GAS7: variants seen among roughly 807,000 people sequenced by gnomAD.
GAS7 encodes growth arrest-specific protein 7.
Under a neutral mutation model 71.1 loss-of-function variants are expected in GAS7, and 28 were observed. The observed-to-expected ratio is 0.39, with a 90% confidence interval of 0.29 to 0.54. The LOEUF is 0.54. Ranked by LOEUF, GAS7 falls within the 20% of genes least tolerant of loss-of-function variation. The pLI is 0.62. For synonymous variants in GAS7, 258 were observed against 245.8 expected (o/e 1.05, Z -0.46); for missense variants, 436 against 627.8 (o/e 0.69, Z 3.27).
In GAS7 at chr17:10,023,423, A is replaced by G. The variant is rs181843606; in HGVS notation, c.184-3526T>C. On this transcript the variant is annotated intron_variant, in intron 1 of 13. Coordinates refer to ENST00000432992, the MANE Select transcript of GAS7 (RefSeq NM_201433.2). Reference sequence around the variant, plus strand: ...CAGCAATATCATTCGTAATGGCCAAAAAGTAGAAACAACTCAAATCCCCCA... The same window carrying G: ...CAGCAATATCATTCGTAATGGCCAAGAAGTAGAAACAACTCAAATCCCCCA... 5.1e-4 allele frequency among the ~76,000 whole-genome samples: 78 copies of G among 152,358 alleles called. 1 individual carries two copies. Among genetic ancestry groups the G allele is most frequent in the Admixed American group, 1.6e-3 (24 of 15,306 alleles).
At position 10,155,373 on chromosome 17, in the gene GAS7, A is replaced by G. The variant is rs1378293837; in HGVS notation, c.183+42835T>C. ...AAGTAAAAACAATTCCTCTCCCTCCACTTCCCTTCTCCCAAGACTCTTCCT... is the reference window on the plus strand; with the variant it reads ...AAGTAAAAACAATTCCTCTCCCTCCGCTTCCCTTCTCCCAAGACTCTTCCT... On this transcript the variant is annotated intron_variant, in intron 1 of 13. Coordinates refer to ENST00000432992, the MANE Select transcript of GAS7 (RefSeq NM_201433.2). Among the ~76,000 whole-genome samples the G allele has an allele frequency of 2.0e-5, 3 of 151,848 alleles. No individual in the cohort carries two copies. In the South Asian group the frequency reaches 6.2e-4, roughly 32 times the overall value.
chr17:10,110,526 C>T (rs767038273), intron 1 of GAS7, among the ~76,000 whole-genome samples: 7 of 152,060 alleles, frequency 4.6e-5, no homozygotes, highest in Admixed American at 1.3e-4. Context: ...AGTGCAATGG[C>T]GCAATCTTGG....
intron 1 of GAS7, among the ~76,000 whole-genome samples, chr17:10,077,721 C>A (rs1254658247): frequency 6.6e-6 from 1 of 152,134 alleles, no homozygotes; most frequent in African/African-American, 2.4e-5. Flanking sequence ...GAAAACAGGG[C>A]AATGAGGCAA....
rs555845362 is a variant in GAS7, at chr17:9,954,408, A to G, written c.525+4794T>C. On this transcript the variant is annotated intron_variant, in intron 5 of 13. Transcript: ENST00000432992. ...CTGGGGTGAGCACCCCCACTACAGCATAGAGGATGCACTGGAGGGAGAACG... is the reference window on the plus strand; with the variant it reads ...CTGGGGTGAGCACCCCCACTACAGCGTAGAGGATGCACTGGAGGGAGAACG... Among the ~76,000 whole-genome samples, 32 of 152,114 alleles carry G rather than the reference A, an allele frequency of 2.1e-4. No individual in the cohort carries two copies. In the South Asian group the frequency reaches 6.4e-3, roughly 31 times the overall value.
intron 1 of GAS7, among the ~76,000 whole-genome samples, chr17:10,072,801 G>C: frequency 6.6e-6 from 1 of 152,126 alleles, no homozygotes; most frequent in East Asian, 1.9e-4. Context: ...CCCATAGTCT[G>C]TCTGGCCCCA....
chr17:9,975,973 C>T (rs990663523), intron 3 of GAS7, among the ~76,000 whole-genome samples: 12 of 144,484 alleles, frequency 8.3e-5, no homozygotes, highest in African/African-American at 2.7e-4. Context: ...AGCCTCCTTC[C>T]TCCCACCACA....
At chr17:9,917,914 C>T in intron 13 of GAS7, 87 bp downstream of exon 13, 2 of 910,702 alleles carry the variant, frequency 2.2e-6, no homozygotes, top group Non-Finnish European at 1.7e-6. Flanking sequence ...TCACTTGCAG[C>T]AGCCACTTAA....
chr17:10,111,394 G>A (rs904147650), intron 1 of GAS7, among the ~76,000 whole-genome samples: 2 of 152,048 alleles, frequency 1.3e-5, no homozygotes, highest in East Asian at 1.9e-4. Context: ...ATAGCCAGGC[G>A]TGGTGTCGTG....
intron 1 of GAS7, chr17:10,039,793 A>C: frequency 2.2e-6 from 1 of 454,826 alleles, no homozygotes; most frequent in Non-Finnish European, 4.4e-6. Flanking sequence ...CACAGCCAGC[A>C]TCCTAATGTC....
Position 10,060,741 on chromosome 17 carries a change from G to C in GAS7, c.184-40844C>G, listed in dbSNP as rs548646997. ...TGGAATTCTCACACGTTGCTCGTGC[G>C]AACACAAAATGGTATGGTCCTTCTG... On this transcript the variant is annotated intron_variant, in intron 1 of 13. Coordinates refer to ENST00000432992, the MANE Select transcript of GAS7 (RefSeq NM_201433.2). 2.0e-5 allele frequency among the ~76,000 whole-genome samples: 3 copies of C among 152,314 alleles called. No homozygotes were observed. In the East Asian group the frequency reaches 5.8e-4, roughly 29 times the overall value.
intron 1 of GAS7, among the ~76,000 whole-genome samples, chr17:10,138,954 T>C (rs943421602): frequency 6.6e-6 from 1 of 152,216 alleles, no homozygotes; most frequent in Non-Finnish European, 1.5e-5. Flanking sequence ...TATGATCATC[T>C]TGAGAGATGC....
intron 2 of GAS7, among the ~76,000 whole-genome samples, chr17:10,019,181 T>C (rs1268348494): frequency 6.6e-6 from 1 of 152,178 alleles, no homozygotes; most frequent in African/African-American, 2.4e-5. Context: ...GGTGTGGTCC[T>C]ATTCAACTCA....
In GAS7 at chr17:9,926,694, G is replaced by T. The variant is rs759835386; in HGVS notation, c.961C>A (p.His321Asn). Reference protein sequence around the residue: ...FKKDMKKCDHHIADLRKQLAS... With the variant: ...FKKDMKKCDHNIADLRKQLAS... The stretch of plus-strand genomic sequence containing the variant: ...AGCTGCTTGCGAAGGTCGGCAATGT[G>T]GTGGTCGCACTTCTTCATGTCTTTC... The change falls in exon 10 of 14, where the codon CAC (histidine) becomes AAC (asparagine). Residue 321 changes from histidine to asparagine, a missense_variant. His to Asn is a moderately conservative substitution (Grantham distance 68, BLOSUM62 1). Coordinates refer to ENST00000432992, the MANE Select transcript of GAS7 (RefSeq NM_201433.2). This position sits in a 1 kb window ranked among gnomAD's most constrained non-coding sequence, Gnocchi z 5.0. The T allele has an allele frequency of 6.2e-7, 1 of 1,613,956 alleles. No individual in the cohort carries two copies. The highest frequency in any genetic ancestry group is 2.2e-5 in the East Asian group (1 of 44,880).
chr17:9,971,398 A>AAT (rs1247969390), intron 3 of GAS7, among the ~76,000 whole-genome samples: 1 of 151,918 alleles, frequency 6.6e-6, no homozygotes, highest in African/African-American at 2.4e-5. Flanking sequence ...ATCTCTACAA[A>AAT]ATATATATAT....
chr17:10,042,477 C>A (rs1208207114), intron 1 of GAS7, among the ~76,000 whole-genome samples: 3 of 152,096 alleles, frequency 2.0e-5, no homozygotes, highest in African/African-American at 7.2e-5. Context: ...TCTGCATGAT[C>A]AATCAACCAA....
chr17:9,971,575 G>A (rs1487086591), intron 3 of GAS7, among the ~76,000 whole-genome samples: 3 of 152,090 alleles, frequency 2.0e-5, no homozygotes, highest in Non-Finnish European at 2.9e-5. Context: ...TCAAAAAAGT[G>A]GGGGAGCAGA....
At chr17:10,089,445 C>T (rs1424209544) in intron 1 of GAS7, among the ~76,000 whole-genome samples, 1 of 151,958 alleles carries the variant, frequency 6.6e-6, no homozygotes, top group South Asian at 2.1e-4. Context: ...CCACCTGCTC[C>T]GGGCAAGCAC....
chr17:9,937,198 A>C (rs1037306857), intron 8 of GAS7, among the ~76,000 whole-genome samples: 2 of 152,130 alleles, frequency 1.3e-5, no homozygotes, highest in African/African-American at 4.8e-5. Flanking sequence ...AGTGGCCCTG[A>C]TGCATGTATG....
At chr17:10,178,243 G>A (rs928311292) in intron 1 of GAS7, among the ~76,000 whole-genome samples, 16 of 152,134 alleles carry the variant, frequency 1.1e-4, no homozygotes, top group East Asian at 3.8e-4. Context: ...AAGAAGTATC[G>A]CTGGCTTCTT....
Sources: gnomAD v4.1 joint callset for allele counts (sites outside exome capture counted in the v4.1 genomes callset) on GRCh38, gnomAD v4.1.1 for gene constraint, Gnocchi (gnomAD v3.1) non-coding constraint, MANE v1.5 for transcripts, NCBI Gene and HGNC (gene_info 2026-07-23, HGNC 2026-07-21) for gene names.